Variants in KIAA0319 observed in about 807,000 individuals in gnomAD.
The protein encoded by KIAA0319 is dyslexia-associated protein KIAA0319.
KIAA0319 carries 83 observed loss-of-function variants against 108.4 expected under a neutral mutation model. The ratio of observed to expected loss-of-function variants is 0.77; its 90% CI spans 0.64 to 0.92. The LOEUF (loss-of-function observed/expected upper bound fraction) is 0.92, where lower values mean the gene tolerates loss of function less well. KIAA0319 is among the 40% of genes least tolerant of loss of function. The pLI, the probability that KIAA0319 is intolerant of heterozygous loss-of-function variation, is 0.00. For missense variants in KIAA0319, 1,195 were observed against 1,322.4 expected (o/e 0.90, Z 1.49); for synonymous variants, 484 against 510.4 (o/e 0.95, Z 0.70).
intron 1 of KIAA0319, among the ~76,000 whole-genome samples, chr6:24,643,499 T>C (rs770503109): frequency 3.9e-5 from 6 of 152,140 alleles, no homozygotes; most frequent in Non-Finnish European, 8.8e-5. Context: ...AGCTCCTTCC[T>C]TGGGGGTATT....
rs756504723 is a variant in KIAA0319, at chr6:24,551,397, T to C, written c.3040+37A>G. 2.8e-6 allele frequency: 4 copies of C among 1,438,768 alleles called. No individual in the cohort carries two copies. In the East Asian group the frequency reaches 6.8e-5, roughly 24 times the overall value. The allele number at this position is 1,438,768 out of a possible 1,614,324, so 89.1% of individuals were successfully genotyped here. A position where few individuals can be genotyped will look rare whatever the true frequency, so the allele number is the denominator to read the frequency against. The stretch of plus-strand genomic sequence containing the variant: ...TCAGGCCTACCTAGGTTAAATCATA[T>C]AAAGGTGCCAGGCAGTCATTCTGCA... On this transcript the variant is annotated intron_variant, in intron 20 of 20. Coordinates refer to ENST00000378214, the MANE Select transcript of KIAA0319 (RefSeq NM_014809.4).
At chr6:24,618,282 C>A (rs7742276) in intron 1 of KIAA0319, among the ~76,000 whole-genome samples, 18,518 of 151,812 alleles carry the variant, frequency 0.12, 2,206 homozygotes, top group East Asian at 0.43. Flanking sequence ...TTTCTCAACC[C>A]CAGAGAGAAC....
chr6:24,643,978 C>T (rs1209510984), intron 1 of KIAA0319, among the ~76,000 whole-genome samples: 1 of 152,254 alleles, frequency 6.6e-6, no homozygotes, highest in Admixed American at 6.5e-5. Flanking sequence ...TGCAGCACTC[C>T]GTTCCAGAAA....
intron 4 of KIAA0319, among the ~76,000 whole-genome samples, 192 bp from the exon 5 acceptor site, chr6:24,583,894 AG>A (rs939600631): frequency 2.6e-5 from 4 of 152,212 alleles, no homozygotes; most frequent in Admixed American, 1.3e-4. Flanking sequence ...ATTATAGTAC[AG>A]GGTTTTAAAC....
At chr6:24,638,011 C>A (rs1235841822) in intron 1 of KIAA0319, among the ~76,000 whole-genome samples, 2 of 152,062 alleles carry the variant, frequency 1.3e-5, no homozygotes, top group East Asian at 3.9e-4. Flanking sequence ...AGAACTCCAC[C>A]AGAAAAGCAA....
intron 1 of KIAA0319, among the ~76,000 whole-genome samples, chr6:24,606,925 G>C (rs951399219): frequency 6.6e-6 from 1 of 152,254 alleles, no homozygotes; most frequent in African/African-American, 2.4e-5. Context: ...AAGCAAGCCA[G>C]TGCTGGGAAG....
intron 1 of KIAA0319, among the ~76,000 whole-genome samples, chr6:24,631,523 T>C (rs1775579013): frequency 6.6e-6 from 1 of 152,276 alleles, no homozygotes; most frequent in Non-Finnish European, 1.5e-5. Flanking sequence ...CTTAGATTAA[T>C]GCACTGTCTT....
At chr6:24,616,049 A>G (rs893161505) in intron 1 of KIAA0319, among the ~76,000 whole-genome samples, 1 of 152,234 alleles carries the variant, frequency 6.6e-6, no homozygotes, top group African/African-American at 2.4e-5. Flanking sequence ...CAATAAGACA[A>G]TTGTCAAAGT....
At chr6:24,596,970 T>C (rs555647146) in intron 2 of KIAA0319, among the ~76,000 whole-genome samples, 6 of 151,892 alleles carry the variant, frequency 4.0e-5, no homozygotes, top group Admixed American at 6.6e-5. Context: ...CATCCATCCA[T>C]CCACCCTCCC....
At chr6:24,636,450 A>C (rs894199531) in intron 1 of KIAA0319, among the ~76,000 whole-genome samples, 4 of 152,248 alleles carry the variant, frequency 2.6e-5, no homozygotes, top group African/African-American at 9.6e-5. Context: ...GCTTGTTATA[A>C]CTTGTTTGAA....
intron 1 of KIAA0319, among the ~76,000 whole-genome samples, chr6:24,628,451 G>T (rs12213672): frequency 0.03 from 4,628 of 152,224 alleles, 115 homozygotes; most frequent in Middle Eastern, 0.088. Flanking sequence ...GTTTTTAAAA[G>T]ATCTGACCAG....
rs780041267 is a variant in KIAA0319 at position 24,569,867 on chromosome 6, T to C, written c.1991+36A>G. 6 of 1,604,074 alleles carry C rather than the reference T, an allele frequency of 3.7e-6. No homozygotes were observed. The South Asian group carries it at 5.6e-5, about 15-fold the overall frequency. On this transcript the variant is annotated intron_variant, in intron 12 of 20. Transcript: ENST00000378214. ...GAAGGGATAATATTAGCATTCAGCA[T>C]GGGCATGAACCTAGCTCAGTGGCGA...
chr6:24,586,096 C>CA (rs1286904214), intron 4 of KIAA0319, among the ~76,000 whole-genome samples: 15 of 150,870 alleles, frequency 9.9e-5, no homozygotes, highest in South Asian at 4.2e-4. Context: ...TCAAAACAAA[C>CA]AAAAAAAAAC....
downstream of KIAA0319, among the ~76,000 whole-genome samples, chr6:24,542,669 G>C (rs1760240060): frequency 6.6e-6 from 1 of 151,930 alleles, no homozygotes; most frequent in Non-Finnish European, 1.5e-5. Flanking sequence ...GAGCCGTGAT[G>C]GTGCCACTGC....
At chr6:24,609,360 C>T (rs1242100003) in intron 1 of KIAA0319, among the ~76,000 whole-genome samples, 2 of 151,196 alleles carry the variant, frequency 1.3e-5, no homozygotes, top group East Asian at 1.9e-4. Context: ...AGGCAGATCA[C>T]GAGGTCAGGA....
intron 11 of KIAA0319, among the ~76,000 whole-genome samples, chr6:24,570,269 A>C (rs1764511229): frequency 6.6e-6 from 1 of 152,094 alleles, no homozygotes; most frequent in Non-Finnish European, 1.5e-5. Flanking sequence ...TCTCTAATAG[A>C]CACATCTTTG....
Position 24,553,270 on chromosome 6 carries a change from G to GATATATATATATATATATATATATAT in KIAA0319, c.2948+1270_2948+1271insATATATATATATATATATATATATAT, listed in dbSNP as rs1341452189. On this transcript the variant is annotated intron_variant, in intron 19 of 20. Coordinates refer to ENST00000378214, the MANE Select transcript of KIAA0319 (RefSeq NM_014809.4). ...TGTAAGGCCACTTAGGTACTTGTGA[G>GATATATATATATATATATATATATAT]ATAGATATATATATATATATATATA... Among the ~76,000 whole-genome samples the GATATATATATATATATATATATATAT allele has an allele frequency of 1.3e-4, 14 of 105,960 alleles. 1 individual carries two copies. The highest frequency in any genetic ancestry group is 3.3e-4 in the African/African-American group (7 of 21,364). 69.5% of individuals were successfully genotyped at this position (105,960 alleles called of 152,430 possible).
chr6:24,605,505 G>A (rs769419078), intron 1 of KIAA0319, among the ~76,000 whole-genome samples: 1 of 152,078 alleles, frequency 6.6e-6, no homozygotes, highest in Non-Finnish European at 1.5e-5. Context: ...TCATTAAAAG[G>A]GAAGAAAATA....
Position 24,576,406 on chromosome 6 carries a change from G to C in KIAA0319, c.1696C>G (p.Leu566Val). ...TGTTTGCCCTCACTCCCAGGACCCA[G>C]GGACCACTCATAGAGGACAATCTGG... ...DHQIVLYEWS[L>V]GPGSEGKHVV... Residue 566 changes from leucine (L) to valine (V), a missense_variant, in exon 10 of 21, where the codon CTG becomes GTG. Coordinates refer to ENST00000378214, the MANE Select transcript of KIAA0319 (RefSeq NM_014809.4). 1 of 1,614,148 alleles carries C rather than the reference G, an allele frequency of 6.2e-7. No homozygotes were observed. Among genetic ancestry groups the C allele is most frequent in the Non-Finnish European group, 8.5e-7 (1 of 1,180,018 alleles).
Sources: allele counts gnomAD v4.1 joint callset (sites outside exome capture counted in the v4.1 genomes callset), GRCh38; gene constraint gnomAD v4.1.1; transcripts MANE v1.5; gene names NCBI Gene and HGNC (gene_info 2026-07-23, HGNC 2026-07-21).